Variants in FNBP1L observed in about 807,000 individuals in gnomAD.
FNBP1L encodes the protein formin-binding protein 1-like.
FNBP1L carries 36 observed loss-of-function variants against 91.2 expected under a neutral mutation model. The ratio of observed to expected loss-of-function variants is 0.39; its 90% CI spans 0.30 to 0.52. The LOEUF (loss-of-function observed/expected upper bound fraction) is 0.52, where lower values mean the gene tolerates loss of function less well. Among genes scored for constraint, FNBP1L ranks in the 20% least tolerant of loss-of-function variants. The pLI is 0.66. For missense variants in FNBP1L, 571 were observed against 732.1 expected, an observed-to-expected ratio of 0.78 and a Z score of 2.54; for synonymous variants, 242 against 237.0, an observed-to-expected ratio of 1.02 and a Z score of -0.19.
chr1:93,535,003 GAATA>G (rs1671799082), intron 9 of FNBP1L, 95 bp downstream of exon 9: 1 of 942,516 alleles, frequency 1.1e-6, no homozygotes, highest in Non-Finnish European at 1.6e-6. Context: ...CATTAATGGA[GAATA>G]AATATTTTCA....
chr1:93,533,080 A>G lies in FNBP1L; in HGVS notation c.786+12A>G. On this transcript the variant is annotated intron_variant, in intron 8 of 16. Coordinates refer to ENST00000271234, the MANE Select transcript of FNBP1L (RefSeq NM_001164473.3). ...TTGATGAAAGAAGAGTAAGTGCTAA[A>G]TAATTATCTTTGAATGCATCTGTTT... is the stretch of plus-strand genomic sequence containing the variant. 6.4e-7 allele frequency: 1 copy of G among 1,567,868 alleles called. No homozygotes were observed. Among genetic ancestry groups the G allele is most frequent in the Admixed American group, 1.8e-5 (1 of 55,576 alleles).
At chr1:93,519,480 G>C (rs1267653188) in intron 2 of FNBP1L, among the ~76,000 whole-genome samples, 1 of 152,108 alleles carries the variant, frequency 6.6e-6, no homozygotes, top group East Asian at 1.9e-4. Flanking sequence ...CCTCTTTACA[G>C]AGCCCTCTAT....
At chr1:93,511,922 C>T (rs1340854113) in intron 2 of FNBP1L, among the ~76,000 whole-genome samples, 34 of 147,030 alleles carry the variant, frequency 2.3e-4, no homozygotes, top group Admixed American at 1.2e-3. Flanking sequence ...GCCGAGATCC[C>T]GCCACTGCAC....
chr1:93,449,111 C>A (rs1668388955), intron 1 of FNBP1L, among the ~76,000 whole-genome samples: 1 of 152,266 alleles, frequency 6.6e-6, no homozygotes, highest in South Asian at 2.1e-4. Context: ...CTTGTTCTTT[C>A]TCCTTCGTTC....
At chr1:93,539,229 G>A (rs1046463634) in intron 10 of FNBP1L, among the ~76,000 whole-genome samples, 3 of 151,816 alleles carry the variant, frequency 2.0e-5, no homozygotes, top group African/African-American at 4.8e-5. Flanking sequence ...ATGAAATTTT[G>A]TCCTATTTAA....
chr1:93,494,273 G>C (rs555883315), intron 1 of FNBP1L, among the ~76,000 whole-genome samples: 1 of 152,326 alleles, frequency 6.6e-6, no homozygotes, highest in East Asian at 1.9e-4. Flanking sequence ...CCTAGGGTAA[G>C]ATTTGGAAAG....
rs547036263 is a variant in FNBP1L at position 93,458,095 on chromosome 1, C to T, written c.24+9790C>T. Among the ~76,000 whole-genome samples the T allele has an allele frequency of 3.9e-5, 6 of 151,964 alleles. No individual in the cohort carries two copies. In the South Asian group the frequency reaches 1.2e-3, roughly 32 times the overall value. ...GTGAGCCACGACGCCCGGCCGGAAA[C>T]AGGAATTTCTTATATTAAGTTTTTA... On this transcript the variant is annotated intron_variant, in intron 1 of 16. Transcript: ENST00000271234.
Position 93,538,345 on chromosome 1 carries a change from T to C in FNBP1L, c.1149+1855T>C, listed in dbSNP as rs139191580. Among the ~76,000 whole-genome samples, 706 of 152,116 alleles carry C rather than the reference T, an allele frequency of 4.6e-3. 3 individuals are homozygous for C. Among genetic ancestry groups the C allele is most frequent in the Middle Eastern group, 0.037 (11 of 294 alleles). On this transcript the variant is annotated intron_variant, in intron 10 of 16. Coordinates refer to ENST00000271234, the MANE Select transcript of FNBP1L (RefSeq NM_001164473.3). ...TTTGCTTATTGTTTCTCACAAATTA[T>C]AGATATTCATAAGTTATTTACGTAA...
At chr1:93,492,108 G>A (rs1029024020) in intron 1 of FNBP1L, among the ~76,000 whole-genome samples, 21 of 152,258 alleles carry the variant, frequency 1.4e-4, no homozygotes, top group East Asian at 3.9e-4. Flanking sequence ...ATCACAGCAC[G>A]CATGATTTTG....
chr1:93,453,165 G>A (rs1463554015), intron 1 of FNBP1L, among the ~76,000 whole-genome samples: 1 of 152,106 alleles, frequency 6.6e-6, no homozygotes, highest in Non-Finnish European at 1.5e-5. Context: ...AAATTGTCAT[G>A]GTATAAATAC....
chr1:93,478,145 G>A (rs1301369880), intron 1 of FNBP1L, among the ~76,000 whole-genome samples: 1 of 152,176 alleles, frequency 6.6e-6, no homozygotes, highest in African/African-American at 2.4e-5. Flanking sequence ...GTGAATAGGA[G>A]GAACTTTCCC....
At chr1:93,452,151 G>A (rs1015821148) in intron 1 of FNBP1L, among the ~76,000 whole-genome samples, 1 of 152,216 alleles carries the variant, frequency 6.6e-6, no homozygotes, top group East Asian at 1.9e-4. Context: ...TTGTCCTTGA[G>A]TGTAGAAAGG....
At chr1:93,460,252 C>T (rs1426144752) in intron 1 of FNBP1L, among the ~76,000 whole-genome samples, 1 of 152,150 alleles carries the variant, frequency 6.6e-6, no homozygotes, top group Non-Finnish European at 1.5e-5. Context: ...AGAGTTCACA[C>T]TTTCCATTCC....
chr1:93,508,841 T>G (rs1670719389), intron 2 of FNBP1L, among the ~76,000 whole-genome samples: 1 of 152,192 alleles, frequency 6.6e-6, no homozygotes. Context: ...AGGGAAAAAT[T>G]TAGGGATCCA....
chr1:93,515,699 G>A (rs1570831809), intron 2 of FNBP1L, among the ~76,000 whole-genome samples: 1 of 149,032 alleles, frequency 6.7e-6, no homozygotes, highest in East Asian at 2.0e-4. Context: ...CTCCCTCATA[G>A]GTGGGAATTG....
intron 1 of FNBP1L, among the ~76,000 whole-genome samples, chr1:93,478,460 T>A (rs900501886): frequency 1.3e-5 from 2 of 152,130 alleles, no homozygotes; most frequent in African/African-American, 4.8e-5. Flanking sequence ...AGTGGAATGA[T>A]GAGGGCATCC....
At chr1:93,547,112 T>G in intron 13 of FNBP1L, 138 bp downstream of exon 13, 1 of 1,094,544 alleles carries the variant, frequency 9.1e-7, no homozygotes, top group Non-Finnish European at 1.3e-6. Context: ...TATTGTGATG[T>G]GTGTTATTTA....
At chr1:93,505,898 C>T (rs552429956) in intron 2 of FNBP1L, among the ~76,000 whole-genome samples, 5 of 152,252 alleles carry the variant, frequency 3.3e-5, no homozygotes, top group African/African-American at 9.6e-5. Flanking sequence ...AGGCTGGTCT[C>T]GGACTCCTGA....
intron 1 of FNBP1L, among the ~76,000 whole-genome samples, chr1:93,457,135 C>T (rs1668696420): frequency 6.6e-6 from 1 of 152,198 alleles, no homozygotes; most frequent in South Asian, 2.1e-4. Flanking sequence ...CCATCTGCCT[C>T]AGCCTCCCAA....
Sources: gnomAD v4.1 joint callset for allele counts (sites outside exome capture counted in the v4.1 genomes callset) on GRCh38, gnomAD v4.1.1 for gene constraint, MANE v1.5 for transcripts, NCBI Gene and HGNC (gene_info 2026-07-23, HGNC 2026-07-21) for gene names.